Variants in SORCS2 observed in about 807,000 individuals in gnomAD.
SORCS2 encodes the protein VPS10 domain-containing receptor SorCS2.
Under a neutral mutation model 141.6 loss-of-function variants are expected in SORCS2, and 100 were observed. That is an observed-to-expected ratio of 0.71 (90% CI 0.60 to 0.83). The LOEUF (loss-of-function observed/expected upper bound fraction) is 0.83, where lower values mean the gene tolerates loss of function less well. SORCS2 is among the 40% of genes least tolerant of loss of function. SORCS2 has a pLI of 0.00. For synonymous variants in SORCS2, 789 were observed against 676.9 expected, an observed-to-expected ratio of 1.17 and a Z score of -2.57; for missense variants, 1,646 against 1,560.2, an observed-to-expected ratio of 1.05 and a Z score of -0.93.
intron 1 of SORCS2, among the ~76,000 whole-genome samples, chr4:7,332,687 G>C (rs892175939): frequency 6.6e-6 from 1 of 152,254 alleles, no homozygotes; most frequent in African/African-American, 2.4e-5. Context: ...GTCACACCCT[G>C]TGCAGGGCTG....
intron 3 of SORCS2, among the ~76,000 whole-genome samples, chr4:7,630,831 G>T (rs1319638377): frequency 6.6e-6 from 1 of 152,150 alleles, no homozygotes; most frequent in African/African-American, 2.4e-5. Flanking sequence ...GGGTGCATCT[G>T]TCTGGCCAGG....
At chr4:7,265,139 C>A (rs578229176) in intron 1 of SORCS2, among the ~76,000 whole-genome samples, 1 of 152,208 alleles carries the variant, frequency 6.6e-6, no homozygotes, top group African/African-American at 2.4e-5. Context: ...GGACCACAGA[C>A]TGGGTGGCTT....
intron 4 of SORCS2, among the ~76,000 whole-genome samples, chr4:7,643,588 A>C (rs370716662): frequency 2.0e-5 from 3 of 152,218 alleles, no homozygotes; most frequent in South Asian, 2.1e-4. Flanking sequence ...GAATGTTCGA[A>C]CAGGGGCTTA....
chr4:7,462,714 G>A (rs1454368977), intron 2 of SORCS2, among the ~76,000 whole-genome samples: 1 of 151,722 alleles, frequency 6.6e-6, no homozygotes, highest in Non-Finnish European at 1.5e-5. Context: ...GAGGAGCTAA[G>A]TGAATAAAGG....
chr4:7,665,557 C>A (rs1003499737), intron 7 of SORCS2, among the ~76,000 whole-genome samples: 1 of 152,184 alleles, frequency 6.6e-6, no homozygotes, highest in Non-Finnish European at 1.5e-5. Context: ...CTGACTTCTG[C>A]CTCCAATTCA....
intron 2 of SORCS2, among the ~76,000 whole-genome samples, chr4:7,483,588 T>C (rs1730791305): frequency 6.6e-6 from 1 of 152,140 alleles, no homozygotes; most frequent in Admixed American, 6.5e-5. Context: ...TGCTTTGTTA[T>C]GGCAGCCTGA....
At chr4:7,207,635 G>A (rs192345115) in intron 1 of SORCS2, among the ~76,000 whole-genome samples, 1 of 152,346 alleles carries the variant, frequency 6.6e-6, no homozygotes, top group East Asian at 1.9e-4. Flanking sequence ...AGCGATGCAG[G>A]AGCGAGCTTC....
intron 1 of SORCS2, among the ~76,000 whole-genome samples, chr4:7,393,602 C>T (rs1299354743): frequency 1.3e-5 from 2 of 152,204 alleles, no homozygotes; most frequent in Non-Finnish European, 2.9e-5. Flanking sequence ...TTAGTTCCTT[C>T]ATCTGTAAAA....
At chr4:7,724,173 TGGTG>T (rs1478236578) in intron 19 of SORCS2, among the ~76,000 whole-genome samples, 5 of 147,418 alleles carry the variant, frequency 3.4e-5, no homozygotes, top group African/African-American at 7.6e-5. Context: ...ATGGTGGTGA[TGGTG>T]ATAGCAGTAC....
At chr4:7,724,361 T>TGAC in intron 19 of SORCS2, among the ~76,000 whole-genome samples, 13 of 142,808 alleles carry the variant, frequency 9.1e-5, no homozygotes, top group East Asian at 2.1e-4. Flanking sequence ...GTAGTGGTAG[T>TGAC]AATGGTGATG....
chr4:7,553,091 G>A (rs372362017), intron 3 of SORCS2, among the ~76,000 whole-genome samples: 3 of 152,130 alleles, frequency 2.0e-5, no homozygotes, highest in Admixed American at 6.5e-5. Context: ...TGATGTGGAG[G>A]GGGCGCTAAG....
intron 1 of SORCS2, among the ~76,000 whole-genome samples, chr4:7,368,823 C>T (rs547927250): frequency 2.0e-5 from 3 of 152,292 alleles, no homozygotes; most frequent in Non-Finnish European, 2.9e-5. Context: ...GGGAGAAACC[C>T]GGTGGGAGGT....
chr4:7,712,944 C>G (rs930625360), intron 15 of SORCS2, 91 bp downstream of exon 15: 1 of 1,520,354 alleles, frequency 6.6e-7, no homozygotes, highest in Non-Finnish European at 8.9e-7. Flanking sequence ...CCTGCAAGGC[C>G]GCAGGGCACC....
chr4:7,510,219 G>T (rs1487001882), intron 2 of SORCS2, among the ~76,000 whole-genome samples: 1 of 152,244 alleles, frequency 6.6e-6, no homozygotes, highest in Admixed American at 6.5e-5. Flanking sequence ...TTCCCGTCGG[G>T]TGGAGCGGCC....
intron 3 of SORCS2, among the ~76,000 whole-genome samples, chr4:7,570,700 C>T (rs1010436252): frequency 8.5e-5 from 13 of 152,114 alleles, no homozygotes; most frequent in African/African-American, 2.7e-4. Context: ...CCCTTCCCTC[C>T]CTGCCAGACC....
In SORCS2 at chr4:7,304,880, A is replaced by G. The variant is rs115491752; in HGVS notation, c.481-91408A>G. On this transcript the variant is annotated intron_variant, in intron 1 of 26. Coordinates refer to ENST00000507866, the MANE Select transcript of SORCS2 (RefSeq NM_020777.3). Reference sequence around the variant, plus strand: ...TCACAGTGAAGTCAGAGCATTTCCAATGTTTGGGGCTGGGTTGTCCTGGGG... The same window carrying G: ...TCACAGTGAAGTCAGAGCATTTCCAGTGTTTGGGGCTGGGTTGTCCTGGGG... Among the ~76,000 whole-genome samples the G allele has an allele frequency of 4.9e-3, 751 of 152,172 alleles. 6 individuals are homozygous for G. The highest frequency in any genetic ancestry group is 0.017 in the African/African-American group (707 of 41,510).
At chr4:7,651,143 C>T (rs1157005423) in intron 4 of SORCS2, among the ~76,000 whole-genome samples, 2 of 152,140 alleles carry the variant, frequency 1.3e-5, no homozygotes, top group Non-Finnish European at 2.9e-5. Context: ...CAAATGAACA[C>T]CGAGCCAGAG....
At chr4:7,631,399 G>C (rs1226400118) in intron 3 of SORCS2, among the ~76,000 whole-genome samples, 3 of 152,012 alleles carry the variant, frequency 2.0e-5, no homozygotes, top group Non-Finnish European at 4.4e-5. Flanking sequence ...CAGGCAGGGA[G>C]GGGGTGGGAG....
intron 2 of SORCS2, among the ~76,000 whole-genome samples, chr4:7,443,093 T>A (rs1727780306): frequency 1.3e-5 from 2 of 152,242 alleles, no homozygotes; most frequent in South Asian, 4.1e-4. Flanking sequence ...AGGGCCCATC[T>A]GAATTGAATA....
Sources: gnomAD v4.1 joint callset for allele counts (sites outside exome capture counted in the v4.1 genomes callset) on GRCh38, gnomAD v4.1.1 for gene constraint, MANE v1.5 for transcripts, NCBI Gene and HGNC (gene_info 2026-07-23, HGNC 2026-07-21) for gene names.